The following CD82 variants were observed in gnomAD, a reference collection of about 807,000 sequenced individuals.
The protein encoded by CD82 is CD82 antigen.
In CD82, 36 loss-of-function variants were observed where a neutral mutation model predicts 37.4. The observed-to-expected ratio is 0.96, with a 90% confidence interval of 0.74 to 1.27. The LOEUF (loss-of-function observed/expected upper bound fraction) is 1.27, where lower values mean the gene tolerates loss of function less well. Ranked by LOEUF, CD82 falls within the 50% of genes most tolerant of loss-of-function variation. The pLI is 0.00. For missense variants in CD82, 340 were observed against 347.0 expected, an observed-to-expected ratio of 0.98 and a Z score of 0.16; for synonymous variants, 158 against 137.4, an observed-to-expected ratio of 1.15 and a Z score of -1.05.
At chr11:44,586,210 C>T (rs1853052198) in intron 1 of CD82, among the ~76,000 whole-genome samples, 1 of 152,170 alleles carries the variant, frequency 6.6e-6, no homozygotes, top group Admixed American at 6.5e-5. Context: ...GGCCGGGCAT[C>T]AACAACTTTC....
chr11:44,583,687 A>G (rs1484516222), intron 1 of CD82, among the ~76,000 whole-genome samples: 1 of 152,252 alleles, frequency 6.6e-6, no homozygotes, highest in East Asian at 1.9e-4. Context: ...GTGTGGCCTT[A>G]GGCAAGTCAC....
intron 3 of CD82, among the ~76,000 whole-genome samples, chr11:44,598,188 G>T (rs951921662): frequency 2.0e-5 from 3 of 151,994 alleles, no homozygotes; most frequent in African/African-American, 4.8e-5. Flanking sequence ...GGAGACACTG[G>T]GGGGCAGACG....
intron 4 of CD82, chr11:44,604,290 A>G: frequency 6.6e-6 from 1 of 152,616 alleles, no homozygotes; most frequent in East Asian, 1.9e-4. Flanking sequence ...CCGAATGAAC[A>G]TGCAGCACAC....
chr11:44,592,371 G>C (rs1415756383), intron 2 of CD82, among the ~76,000 whole-genome samples: 2 of 152,350 alleles, frequency 1.3e-5, no homozygotes, highest in East Asian at 1.9e-4. Flanking sequence ...TCTGGTGAAG[G>C]GGTGGCCTAG....
intron 2 of CD82, among the ~76,000 whole-genome samples, chr11:44,590,282 GA>G (rs1204598861): frequency 6.6e-6 from 1 of 151,972 alleles, no homozygotes; most frequent in Non-Finnish European, 1.5e-5. Context: ...ATGCATTAAA[GA>G]ATCTTTTTAT....
At chr11:44,602,973 G>T (rs1474146582) in intron 4 of CD82, among the ~76,000 whole-genome samples, 2 of 152,200 alleles carry the variant, frequency 1.3e-5, no homozygotes, top group Non-Finnish European at 2.9e-5. Flanking sequence ...CAGCCACAGA[G>T]GGTGGTTGCT....
In CD82 at chr11:44,605,105, G is replaced by C; in HGVS notation, c.184G>C (p.Val62Leu). 6.2e-7 allele frequency: 1 copy of C among 1,614,210 alleles called. No homozygotes were observed. Among genetic ancestry groups the C allele is most frequent in the Non-Finnish European group, 8.5e-7 (1 of 1,180,030 alleles). The stretch of plus-strand genomic sequence containing the variant: ...GATGGGGGCCTATGTCTTCATCGGC[G>C]TGGGGGCAGTCACTATGCTCATGGG... ...LRMGAYVFIG[V>L]GAVTMLMGFL... Residue 62 changes from valine to leucine, a missense_variant, in exon 5 of 10, where the codon GTG (valine) becomes CTG (leucine). Val to Leu is a conservative substitution (Grantham distance 32). Coordinates refer to ENST00000227155, the MANE Select transcript of CD82 (RefSeq NM_002231.4).
intron 2 of CD82, among the ~76,000 whole-genome samples, chr11:44,592,477 T>A (rs1324527171): frequency 6.6e-6 from 1 of 152,206 alleles, no homozygotes; most frequent in Non-Finnish European, 1.5e-5. Context: ...ACACAGCAGA[T>A]CCGTGGTAGG....
At chr11:44,564,547 G>A (rs1852699429), upstream of CD82, 1 of 455,016 alleles carries the variant, frequency 2.2e-6, no homozygotes, top group African/African-American at 2.0e-5. Context: ...GAGGGCAGAG[G>A]GCTGGGACGC....
At chr11:44,615,452 G>A in intron 7 of CD82, 79 bp downstream of exon 7, 1 of 874,110 alleles carries the variant, frequency 1.1e-6, no homozygotes, top group Non-Finnish European at 1.9e-6. Context: ...CACATGTCTG[G>A]GACTGGCATC....
At chr11:44,582,611 A>T (rs1324409547) in intron 1 of CD82, among the ~76,000 whole-genome samples, 1 of 152,144 alleles carries the variant, frequency 6.6e-6, no homozygotes, top group Admixed American at 6.5e-5. Flanking sequence ...GGCCCGTACT[A>T]TCATCTGCTT....
rs878955877 is a variant in CD82 at position 44,619,256 on chromosome 11, AG to A, written c.*135del. The A allele has an allele frequency of 2.0e-5, 15 of 735,306 alleles. No homozygotes were observed. The highest frequency in any genetic ancestry group is 1.0e-4 in the Admixed American group (5 of 49,270). The allele number at this position is 735,306 out of a possible 1,614,324, so 45.5% of individuals were successfully genotyped here. On this transcript the variant is annotated 3_prime_UTR_variant, in exon 10 of 10. Transcript: ENST00000227155. ...CCTCTTGCCCATCCTGACTGAAAGTAGGGGGCTTTCTGGGGCCTAGCGATCT... is the reference window on the plus strand; with the variant it reads ...CCTCTTGCCCATCCTGACTGAAAGTAGGGGCTTTCTGGGGCCTAGCGATCT...
chr11:44,580,406 G>T (rs7946989), intron 1 of CD82, among the ~76,000 whole-genome samples: 63,737 of 152,110 alleles, frequency 0.42, 14,471 homozygotes, highest in East Asian at 0.81. Flanking sequence ...AAGGAACTGA[G>T]GCTCGGAAAA....
chr11:44,619,081 C>G lies in CD82; in HGVS notation c.759C>G (p.Cys253Trp), dbSNP rs746076379. The G allele has an allele frequency of 6.2e-7, 1 of 1,613,332 alleles. No homozygotes were observed. Among genetic ancestry groups the G allele is most frequent in the Admixed American group, 1.7e-5 (1 of 59,970 alleles). ...GGATGGTCCTGTCCATCTGCTTGTG[C>G]CGGCACGTCCATTCCGAAGACTACA... Reference protein sequence around the residue: ...LLGMVLSICLCRHVHSEDYSK... With the variant: ...LLGMVLSICLWRHVHSEDYSK... The change falls in exon 10 of 10, where the codon TGC becomes TGG. Residue 253 changes from cysteine (C) to tryptophan (W), a missense_variant. Coordinates refer to ENST00000227155, the MANE Select transcript of CD82 (RefSeq NM_002231.4).
chr11:44,572,513 A>G (rs1342959868), intron 1 of CD82, among the ~76,000 whole-genome samples: 1 of 152,106 alleles, frequency 6.6e-6, no homozygotes, highest in Non-Finnish European at 1.5e-5. Flanking sequence ...CGAAGGAGGG[A>G]TGGGATGTTG....
At position 44,618,262 on chromosome 11, in the gene CD82, G is replaced by A. The variant is rs763742776; in HGVS notation, c.539G>A (p.Gly180Glu). The change falls in exon 8 of 10, where the codon GGG becomes GAG. Residue 180 changes from glycine to glutamate, a missense_variant. Physicochemically the swap from Gly to Glu is moderately conservative, Grantham distance 98. Transcript: ENST00000227155. ...TACCCCTGTTCCTGCGAAGTCAAGG[G>A]GGAAGAGGACAACAGCCTTTCTGTG... ...VTYPCSCEVK[G>E]EEDNSLSVRK... 2.5e-6 allele frequency: 4 copies of A among 1,614,000 alleles called. No homozygotes were observed. Among genetic ancestry groups the A allele is most frequent in the Non-Finnish European group, 3.4e-6 (4 of 1,180,038 alleles).
At chr11:44,612,917 G>A (rs981757078) in intron 6 of CD82, among the ~76,000 whole-genome samples, 5 of 151,992 alleles carry the variant, frequency 3.3e-5, no homozygotes, top group East Asian at 1.9e-4. Context: ...AATTACATAC[G>A]TGAGCCACCA....
chr11:44,601,101 GGA>G (rs72333891), intron 4 of CD82, among the ~76,000 whole-genome samples: 152,288 of 152,288 alleles, frequency 1, 76,144 homozygotes, highest in Non-Finnish European at 1. Flanking sequence ...CCCTGTGGTG[GGA>G]GAGGGAGGCA....
rs1378144247 is a variant in CD82, at chr11:44,605,424, G to A, written c.331G>A (p.Gly111Ser). The change falls in exon 6 of 10, where the codon GGC (glycine) becomes AGC (serine). Residue 111 changes from glycine (G) to serine (S), a missense_variant. By Grantham distance (56) the Gly-to-Ser change is moderately conservative. Coordinates refer to ENST00000227155, the MANE Select transcript of CD82 (RefSeq NM_002231.4). ...CGGGGCCCTCTTCTACTTCAACATGGGCAAGGTAAGCCCCTCTCTCCCTCC... is the reference window on the plus strand; with the variant it reads ...CGGGGCCCTCTTCTACTTCAACATGAGCAAGGTAAGCCCCTCTCTCCCTCC... ...TAGALFYFNM[G>S]KLKQEMGGIV... is the part of the protein sequence containing the mutation. The A allele has an allele frequency of 5.0e-6, 8 of 1,614,042 alleles. No homozygotes were observed. Among genetic ancestry groups the A allele is most frequent in the Non-Finnish European group, 6.8e-6 (8 of 1,179,948 alleles).
Sources: gnomAD v4.1 joint callset for allele counts (sites outside exome capture counted in the v4.1 genomes callset) on GRCh38, gnomAD v4.1.1 for gene constraint, MANE v1.5 for transcripts, NCBI Gene and HGNC (gene_info 2026-07-23, HGNC 2026-07-21) for gene names.